Variants in LYPLAL1 observed in about 807,000 individuals in gnomAD.
LYPLAL1 encodes lysophospholipase-like protein 1.
In LYPLAL1, 23 loss-of-function variants were observed where a neutral mutation model predicts 19.7. The observed-to-expected ratio is 1.17, with a 90% CI of 0.84 to 1.65. The LOEUF is 1.65. Among genes scored for constraint, LYPLAL1 ranks in the 40% most tolerant of loss-of-function variants. The pLI, the probability that LYPLAL1 is intolerant of heterozygous loss-of-function variation, is 0.00. For synonymous variants in LYPLAL1, 119 were observed against 96.3 expected (o/e 1.24, Z -1.38); for missense variants, 355 against 279.4 (o/e 1.27, Z -1.93).
At chr1:219,407,239 T>C in the LYPLAL1 span, among the ~76,000 whole-genome samples, 2 of 152,218 alleles carry the variant, frequency 1.3e-5, no homozygotes, top group African/African-American at 4.8e-5. Flanking sequence ...TAGATCCTTA[T>C]GATGGTTCAA....
At chr1:219,306,105 A>G in the LYPLAL1 span, among the ~76,000 whole-genome samples, 1 of 152,220 alleles carries the variant, frequency 6.6e-6, no homozygotes, top group Non-Finnish European at 1.5e-5. Context: ...ATCATACAGA[A>G]CATATAAATA....
At chr1:219,261,844 A>G in the LYPLAL1 span, among the ~76,000 whole-genome samples, 2 of 152,158 alleles carry the variant, frequency 1.3e-5, no homozygotes, top group Non-Finnish European at 2.9e-5. Flanking sequence ...TCTTTTTGCA[A>G]TGAATTTCCC....
the LYPLAL1 span, among the ~76,000 whole-genome samples, chr1:219,424,806 T>G: frequency 6.6e-6 from 1 of 152,178 alleles, no homozygotes; most frequent in African/African-American, 2.4e-5. Flanking sequence ...TTGGACACAT[T>G]CGAGATTTGC....
At chr1:219,297,653 A>G in the LYPLAL1 span, among the ~76,000 whole-genome samples, 1 of 152,224 alleles carries the variant, frequency 6.6e-6, no homozygotes, top group African/African-American at 2.4e-5. Context: ...GTATTGATTC[A>G]AAAACATTTT....
chr1:219,307,751 T>G, the LYPLAL1 span, among the ~76,000 whole-genome samples: 1 of 152,188 alleles, frequency 6.6e-6, no homozygotes, highest in African/African-American at 2.4e-5. Context: ...TTCCCCATAC[T>G]CTTCTCATGG....
the LYPLAL1 span, among the ~76,000 whole-genome samples, chr1:219,369,280 T>C: frequency 2.0e-5 from 3 of 152,194 alleles, no homozygotes; most frequent in Non-Finnish European, 2.9e-5. Flanking sequence ...ATTTTTTGTT[T>C]GTGTTTTTTG....
chr1:219,261,288 G>C, the LYPLAL1 span, among the ~76,000 whole-genome samples: 2 of 152,076 alleles, frequency 1.3e-5, no homozygotes, highest in Non-Finnish European at 2.9e-5. Flanking sequence ...ATCTCTCATC[G>C]TCCTGTGTAT....
chr1:219,439,427 T>TA, the LYPLAL1 span, among the ~76,000 whole-genome samples: 1 of 152,200 alleles, frequency 6.6e-6, no homozygotes, highest in Non-Finnish European at 1.5e-5. Flanking sequence ...TCTTCCATGA[T>TA]ACGTTATCCA....
the LYPLAL1 span, among the ~76,000 whole-genome samples, chr1:219,232,217 C>T: frequency 6.6e-5 from 10 of 152,134 alleles, no homozygotes; most frequent in African/African-American, 2.4e-4. Flanking sequence ...AGATTTGAGA[C>T]CCCCAAACAA....
chr1:219,187,893 T>G (rs998694936), intron 2 of LYPLAL1, among the ~76,000 whole-genome samples: 9 of 151,734 alleles, frequency 5.9e-5, no homozygotes, highest in Admixed American at 1.3e-4. Context: ...ACTTCTTTGG[T>G]AAGTATTAGG....
the LYPLAL1 span, among the ~76,000 whole-genome samples, chr1:219,414,707 T>C: frequency 6.6e-6 from 1 of 152,250 alleles, no homozygotes; most frequent in African/African-American, 2.4e-5. Context: ...TATTTGTTCT[T>C]GTTTTCTTGT....
the LYPLAL1 span, among the ~76,000 whole-genome samples, chr1:219,394,894 G>T: frequency 6.6e-6 from 1 of 152,252 alleles, no homozygotes; most frequent in South Asian, 2.1e-4. Context: ...TCGACTTTCT[G>T]TTCCCGCATT....
At chr1:219,190,510 A>G (rs1657069372) in intron 2 of LYPLAL1, among the ~76,000 whole-genome samples, 1 of 151,160 alleles carries the variant, frequency 6.6e-6, no homozygotes, top group Admixed American at 6.6e-5. Flanking sequence ...CTGGGCTACT[A>G]TATATAAAAA....
At chr1:219,343,935 C>T in the LYPLAL1 span, among the ~76,000 whole-genome samples, 3 of 152,106 alleles carry the variant, frequency 2.0e-5, no homozygotes, top group African/African-American at 2.4e-5. Flanking sequence ...GGTATCTCCA[C>T]AGCTAATTGT....
intron 3 of LYPLAL1, chr1:219,198,638 CAAG>C (rs1194565975): frequency 6.6e-6 from 1 of 151,944 alleles, no homozygotes; most frequent in Non-Finnish European, 1.5e-5. Context: ...TAAGGGTATT[CAAG>C]AAGATCTCCA....
chr1:219,419,580 C>CAGAGAG, the LYPLAL1 span, among the ~76,000 whole-genome samples: 23 of 120,226 alleles, frequency 1.9e-4, no homozygotes, highest in African/African-American at 7.6e-4. Flanking sequence ...CACACACACA[C>CAGAGAG]ACACACACAC....
At chr1:219,193,435 TTTAA>T (rs1221752132) in intron 3 of LYPLAL1, 184 bp downstream of exon 3, 5 of 355,762 alleles carry the variant, frequency 1.4e-5, no homozygotes, top group South Asian at 1.2e-4. Context: ...CGCATGAAAC[TTTAA>T]TTGATTTTCT....
chr1:219,191,491 A>G (rs181248349), intron 2 of LYPLAL1, among the ~76,000 whole-genome samples: 1 of 151,782 alleles, frequency 6.6e-6, no homozygotes, highest in East Asian at 1.9e-4. Flanking sequence ...AAAAAGCATG[A>G]TGCACATAAT....
At chr1:219,376,149 T>C in the LYPLAL1 span, among the ~76,000 whole-genome samples, 4 of 152,162 alleles carry the variant, frequency 2.6e-5, no homozygotes, top group African/African-American at 4.8e-5. Context: ...GATGGACATA[T>C]AGACCAGTGA....
Sources: gnomAD v4.1 joint callset for allele counts (sites outside exome capture counted in the v4.1 genomes callset) on GRCh38, gnomAD v4.1.1 for gene constraint, MANE v1.5 for transcripts, NCBI Gene and HGNC (gene_info 2026-07-23, HGNC 2026-07-21) for gene names.